SPOCK1: variants seen among roughly 807,000 people sequenced by gnomAD.
SPOCK1 encodes the protein SPARC (osteonectin), cwcv and kazal like domains proteoglycan 1, also known as testican-1.
SPOCK1 carries 23 observed loss-of-function variants against 55.3 expected under a neutral mutation model. The ratio of observed to expected loss-of-function variants is 0.42; its 90% confidence interval spans 0.30 to 0.59. The LOEUF (loss-of-function observed/expected upper bound fraction) is 0.59, where lower values mean the gene tolerates loss of function less well. Among genes scored for constraint, SPOCK1 ranks in the 20% least tolerant of loss-of-function variants. The pLI is 0.22. For synonymous variants in SPOCK1, 226 were observed against 221.0 expected (o/e 1.02, Z -0.20); for missense variants, 499 against 552.5 (o/e 0.90, Z 0.97).
At chr5:137,486,841 G>A (rs555133193) in intron 2 of SPOCK1, among the ~76,000 whole-genome samples, 1 of 152,352 alleles carries the variant, frequency 6.6e-6, no homozygotes, top group Non-Finnish European at 1.5e-5. Flanking sequence ...GTCATTGGAA[G>A]TGATGCAGGC....
intron 2 of SPOCK1, among the ~76,000 whole-genome samples, chr5:137,340,134 CAGTT>C (rs907741812): frequency 2.0e-5 from 3 of 152,018 alleles, no homozygotes; most frequent in Non-Finnish European, 4.4e-5. Flanking sequence ...AAAAGGTAGA[CAGTT>C]AGGGGCCTTT....
chr5:137,278,732 G>A (rs577912937), intron 2 of SPOCK1, among the ~76,000 whole-genome samples: 4 of 152,124 alleles, frequency 2.6e-5, no homozygotes, highest in East Asian at 1.9e-4. Flanking sequence ...AAATGACCAC[G>A]AGGCACTTCA....
chr5:137,334,407 C>T (rs910259220), intron 2 of SPOCK1, among the ~76,000 whole-genome samples: 62 of 152,098 alleles, frequency 4.1e-4, no homozygotes, highest in African/African-American at 1.5e-3. Context: ...CTTTAAGCTC[C>T]GTGCAAGAAA....
At chr5:137,463,796 A>G (rs1293960090) in intron 2 of SPOCK1, among the ~76,000 whole-genome samples, 3 of 152,152 alleles carry the variant, frequency 2.0e-5, no homozygotes, top group East Asian at 3.9e-4. Context: ...AAAAATAGAA[A>G]AATTAGCTGG....
chr5:137,144,826 G>A (rs1041370917), intron 3 of SPOCK1, among the ~76,000 whole-genome samples: 3 of 152,200 alleles, frequency 2.0e-5, no homozygotes, highest in African/African-American at 7.2e-5. Context: ...AGAGGCAGCT[G>A]AGCGTGACAG....
chr5:136,994,277 A>C (rs1380679951), intron 6 of SPOCK1, among the ~76,000 whole-genome samples: 1 of 152,172 alleles, frequency 6.6e-6, no homozygotes, highest in Non-Finnish European at 1.5e-5. Context: ...ATTTTAAAAC[A>C]CCAGCCAGGA....
At chr5:137,412,396 G>A (rs1752224860) in intron 2 of SPOCK1, among the ~76,000 whole-genome samples, 1 of 152,208 alleles carries the variant, frequency 6.6e-6, no homozygotes, top group Non-Finnish European at 1.5e-5. Flanking sequence ...TGACAGGCCT[G>A]AAAAAGGCAA....
intron 2 of SPOCK1, among the ~76,000 whole-genome samples, chr5:137,375,306 G>A (rs1181579638): frequency 1.3e-5 from 2 of 152,120 alleles, no homozygotes; most frequent in Non-Finnish European, 2.9e-5. Flanking sequence ...CATAATGAGT[G>A]AAAGAAGGCA....
intron 2 of SPOCK1, 59 bp from the exon 3 acceptor site, chr5:137,267,114 G>A: frequency 7.0e-7 from 1 of 1,423,686 alleles, no homozygotes; most frequent in Non-Finnish European, 9.8e-7. Flanking sequence ...TCACATAACT[G>A]CATAAAAACC....
At chr5:137,458,814 G>A (rs1753420379) in intron 2 of SPOCK1, among the ~76,000 whole-genome samples, 1 of 152,118 alleles carries the variant, frequency 6.6e-6, no homozygotes, top group South Asian at 2.1e-4. Context: ...TAGACCCTCA[G>A]CTAAAATAAA....
chr5:137,491,583 G>A (rs1453265679), intron 2 of SPOCK1, among the ~76,000 whole-genome samples: 6 of 152,094 alleles, frequency 3.9e-5, no homozygotes, highest in Admixed American at 2.6e-4. Context: ...TATATACAAT[G>A]GTGTATCTTA....
chr5:137,324,921 C>T (rs777578967), intron 2 of SPOCK1, among the ~76,000 whole-genome samples: 17 of 151,532 alleles, frequency 1.1e-4, no homozygotes, highest in Non-Finnish European at 1.5e-5. Context: ...CAGACCATCA[C>T]CAACACTAAG....
chr5:137,325,414 C>A lies in SPOCK1; in HGVS notation c.187-58359G>T, dbSNP rs150253350. 1.1e-3 allele frequency among the ~76,000 whole-genome samples: 170 copies of A among 152,294 alleles called. 4 individuals are homozygous for A. In the Middle Eastern group the frequency reaches 0.014, roughly 12 times the overall value. On this transcript the variant is annotated intron_variant, in intron 2 of 10. Coordinates refer to ENST00000394945, the MANE Select transcript of SPOCK1 (RefSeq NM_004598.4). ...GGCCAGAACAAAGTACCCCAACACC[C>A]TCCTCATCAAGAGAGCCAGATCTTG...
chr5:137,117,099 A>G (rs965365285), intron 4 of SPOCK1, among the ~76,000 whole-genome samples: 12 of 152,188 alleles, frequency 7.9e-5, no homozygotes. Flanking sequence ...CATGGGGCAC[A>G]CCCAGGCTAA....
chr5:137,356,836 T>TAGAGAGAGAGAGAGAG (rs1352078666), intron 2 of SPOCK1, among the ~76,000 whole-genome samples: 9 of 8,778 alleles, frequency 1.0e-3, no homozygotes, highest in East Asian at 3.1e-3. Context: ...TATATATATA[T>TAGAGAGAGAGAGAGAG]ATAGAGAGAG....
At chr5:137,144,764 G>A (rs1754162110) in intron 3 of SPOCK1, among the ~76,000 whole-genome samples, 2 of 152,156 alleles carry the variant, frequency 1.3e-5, no homozygotes, top group African/African-American at 4.8e-5. Context: ...ATAATAAGTG[G>A]CATTTGAGAG....
chr5:137,357,955 C>T (rs565293426), intron 2 of SPOCK1, among the ~76,000 whole-genome samples: 61 of 152,078 alleles, frequency 4.0e-4, no homozygotes, highest in African/African-American at 1.4e-3. Flanking sequence ...AAATCATTGC[C>T]AGGCTCACTT....
At chr5:137,226,592 G>A (rs1185753675) in intron 3 of SPOCK1, among the ~76,000 whole-genome samples, 1 of 152,094 alleles carries the variant, frequency 6.6e-6, no homozygotes, top group Admixed American at 6.6e-5. Context: ...GGCTGATGAG[G>A]CCCATATGAC....
chr5:137,028,550 G>T (rs1364483287), intron 6 of SPOCK1, among the ~76,000 whole-genome samples: 1 of 152,120 alleles, frequency 6.6e-6, no homozygotes, highest in African/African-American at 2.4e-5. Flanking sequence ...TATCCCTGGG[G>T]GTGGGCTTCA....
Sources: allele counts gnomAD v4.1 joint callset (sites outside exome capture counted in the v4.1 genomes callset), GRCh38; gene constraint gnomAD v4.1.1; transcripts MANE v1.5; gene names NCBI Gene and HGNC (gene_info 2026-07-23, HGNC 2026-07-21).